The following NECTIN3 variants were observed in gnomAD, a reference collection of about 807,000 sequenced individuals.
NECTIN3 encodes the protein nectin cell adhesion molecule 3.
NECTIN3 carries 8 observed loss-of-function variants against 49.4 expected under a neutral mutation model. That is an observed-to-expected ratio of 0.16 (90% CI 0.10 to 0.29). NECTIN3 has a LOEUF of 0.29. Ranked by LOEUF, NECTIN3 falls within the 10% of genes least tolerant of loss-of-function variation. The pLI is 1.00. For synonymous variants in NECTIN3, 277 were observed against 241.1 expected, an observed-to-expected ratio of 1.15 and a Z score of -1.38; for missense variants, 581 against 654.6, an observed-to-expected ratio of 0.89 and a Z score of 1.23.
rs757234057 is a variant in NECTIN3 at position 111,112,184 on chromosome 3, C to T, written c.315C>T (p.His105=). ...AAAGTTCACAGACTGTTGCAGTTCA[C>T]CATCCCCAATATGGATTCTCTGTTC... The part of the protein sequence containing the change: ...HGKSSQTVAV[H]HPQYGFSVQG... The change falls in exon 2 of 6, where the codon CAC becomes CAT. Residue 105 remains histidine, a synonymous_variant. Transcript: ENST00000485303. 4.3e-6 allele frequency: 7 copies of T among 1,613,718 alleles called. No individual in the cohort carries two copies. The highest frequency in any genetic ancestry group is 3.3e-5 in the Admixed American group (2 of 59,938).
intron 7 of NECTIN3, among the ~76,000 whole-genome samples, chr3:111,149,460 T>C (rs2034952572): frequency 3.7e-5 from 1 of 26,810 alleles, no homozygotes. Flanking sequence ...TCTGGTAGGA[T>C]GTGTGTGTGT....
At chr3:111,109,866 G>T (rs2107444784) in intron 1 of NECTIN3, among the ~76,000 whole-genome samples, 1 of 152,012 alleles carries the variant, frequency 6.6e-6, no homozygotes, top group East Asian at 1.9e-4. Flanking sequence ...GGGGAGAATT[G>T]ACATGTAAAT....
intron 7 of NECTIN3, among the ~76,000 whole-genome samples, chr3:111,178,084 A>G (rs2035563384): frequency 6.6e-6 from 1 of 152,226 alleles, no homozygotes; most frequent in African/African-American, 2.4e-5. Context: ...CCTAGAATGT[A>G]TACTCAGTAG....
At position 111,182,948 on chromosome 3, in the gene NECTIN3, A is replaced by G. The variant is rs551740476; in HGVS notation, c.1222-9403A>G. On this transcript the variant is annotated intron_variant, in intron 7 of 8. Transcript: ENST00000493615. ...CACTTTTCCTGCCTTCTTTTAAATT[A>G]GCTGAGTGATTAAGTATTTTTTAAT... Among the ~76,000 whole-genome samples, 16 of 152,054 alleles carry G rather than the reference A, an allele frequency of 1.1e-4. No individual in the cohort carries two copies. The South Asian group carries it at 3.3e-3, about 32-fold the overall frequency.
chr3:111,074,007 A>G (rs2107345886), intron 1 of NECTIN3, among the ~76,000 whole-genome samples: 1 of 152,304 alleles, frequency 6.6e-6, no homozygotes, highest in Middle Eastern at 3.4e-3. Context: ...ACTGTGTTTT[A>G]GAGCAGGTGT....
Position 111,135,265 on chromosome 3 carries a change from A to G in NECTIN3, c.*1050A>G, listed in dbSNP as rs2034537470. The stretch of plus-strand genomic sequence containing the variant: ...TTTGGATATAACTAGAAAAAACTAG[A>G]TTATAGAATTAGTCGGTAACACTTG... On this transcript the variant is annotated 3_prime_UTR_variant, in exon 6 of 6. Coordinates refer to ENST00000485303, the MANE Select transcript of NECTIN3 (RefSeq NM_015480.3). The G allele has an allele frequency of 1.0e-6, 1 of 967,922 alleles. No individual in the cohort carries two copies. Among genetic ancestry groups the G allele is most frequent in the South Asian group, 4.8e-5 (1 of 20,908 alleles). 60.0% of individuals were successfully genotyped at this position (967,922 alleles called of 1,614,324 possible). A position where few individuals can be genotyped will look rare whatever the true frequency, so the allele number is the denominator to read the frequency against.
At chr3:111,146,323 A>G (rs1356758405) in intron 6 of NECTIN3, among the ~76,000 whole-genome samples, 2 of 150,720 alleles carry the variant, frequency 1.3e-5, no homozygotes, top group Admixed American at 6.6e-5. Context: ...AGTCCCAGCT[A>G]CTTGGGAGGC....
chr3:111,096,107 C>T (rs370748490), intron 1 of NECTIN3, among the ~76,000 whole-genome samples: 36 of 152,226 alleles, frequency 2.4e-4, no homozygotes, highest in East Asian at 1.4e-3. Context: ...AATGGCTTTG[C>T]CCAAAATGCT....
At position 111,072,640 on chromosome 3, in the gene NECTIN3, A is replaced by C; in HGVS notation, c.160+463A>C. 4 of 1,444,536 alleles carry C rather than the reference A, an allele frequency of 2.8e-6. No individual in the cohort carries two copies. The South Asian group carries it at 4.9e-5, about 18-fold the overall frequency. 89.5% of individuals were successfully genotyped at this position (1,444,536 alleles called of 1,614,324 possible). On this transcript the variant is annotated intron_variant, in intron 1 of 5. Transcript: ENST00000485303. Reference sequence around the variant, plus strand: ...CCGGGTCCACTTCTCATGGCCTTCCACCCTGGAGAAGGCACCATTTTAGCC... The same window carrying C: ...CCGGGTCCACTTCTCATGGCCTTCCCCCCTGGAGAAGGCACCATTTTAGCC...
At chr3:111,139,822 A>G (rs2034695403), downstream of NECTIN3, among the ~76,000 whole-genome samples, 1 of 151,854 alleles carries the variant, frequency 6.6e-6, no homozygotes, top group Admixed American at 6.6e-5. Context: ...CAGTTTGCTA[A>G]CATGCATTAT....
intron 1 of NECTIN3, among the ~76,000 whole-genome samples, chr3:111,094,893 G>T (rs867024853): frequency 5.9e-5 from 9 of 152,088 alleles, no homozygotes; most frequent in Admixed American, 1.3e-4. Context: ...TCAGTTAATG[G>T]TAGAACCCCT....
chr3:111,106,847 T>G (rs2033202847), intron 1 of NECTIN3, among the ~76,000 whole-genome samples: 1 of 152,184 alleles, frequency 6.6e-6, no homozygotes, highest in Admixed American at 6.6e-5. Context: ...ATAGCATATT[T>G]GCATACCCAT....
chr3:111,169,632 A>T (rs2035397057), intron 7 of NECTIN3, among the ~76,000 whole-genome samples: 1 of 152,140 alleles, frequency 6.6e-6, no homozygotes, highest in African/African-American at 2.4e-5. Flanking sequence ...TAATGTGAAG[A>T]TGTCCTTTCT....
chr3:111,094,122 A>T (rs981210660), intron 1 of NECTIN3, among the ~76,000 whole-genome samples: 2 of 151,904 alleles, frequency 1.3e-5, no homozygotes, highest in African/African-American at 4.8e-5. Context: ...TTTTTATTTT[A>T]TATATATTGA....
chr3:111,158,773 G>A (rs1029985774), intron 7 of NECTIN3, among the ~76,000 whole-genome samples: 5 of 151,992 alleles, frequency 3.3e-5, no homozygotes, highest in Non-Finnish European at 5.9e-5. Flanking sequence ...AAAACAATAG[G>A]TCTTTGAAAG....
intron 7 of NECTIN3, among the ~76,000 whole-genome samples, chr3:111,174,959 T>G (rs561151747): frequency 6.6e-6 from 1 of 151,912 alleles, no homozygotes; most frequent in East Asian, 1.9e-4. Flanking sequence ...AGTGGATGAG[T>G]GTGGACTTGA....
intron 1 of NECTIN3, among the ~76,000 whole-genome samples, chr3:111,193,874 A>G (rs1197692170): frequency 6.6e-6 from 1 of 152,214 alleles, no homozygotes; most frequent in Admixed American, 6.5e-5. Flanking sequence ...ACCTGTGTAC[A>G]AACAGAGGCC....
At chr3:111,072,633 G>A in intron 1 of NECTIN3, 1 of 1,477,668 alleles carries the variant, frequency 6.8e-7, no homozygotes, top group Non-Finnish European at 9.1e-7. Context: ...ACTTCTCATG[G>A]CCTTCCACCC....
chr3:111,128,684 C>G (rs1012299130), intron 5 of NECTIN3, among the ~76,000 whole-genome samples: 2 of 152,072 alleles, frequency 1.3e-5, no homozygotes, highest in African/African-American at 2.4e-5. Context: ...TCTCTCACAC[C>G]CTAGTTAATT....
Sources: gnomAD v4.1 joint callset for allele counts (sites outside exome capture counted in the v4.1 genomes callset) on GRCh38, gnomAD v4.1.1 for gene constraint, MANE v1.5 for transcripts, NCBI Gene and HGNC (gene_info 2026-07-23, HGNC 2026-07-21) for gene names.